LDB2: variants seen among roughly 807,000 people sequenced by gnomAD.
LDB2 encodes LIM domain binding 2.
LDB2 carries 12 observed loss-of-function variants against 44.3 expected under a neutral mutation model. The observed-to-expected ratio is 0.27, with a 90% CI of 0.17 to 0.44. The LOEUF is 0.44. Ranked by LOEUF, LDB2 falls within the 20% of genes least tolerant of loss-of-function variation. The pLI, the probability that LDB2 is intolerant of heterozygous loss-of-function variation, is 1.00. For missense variants in LDB2, 344 were observed against 473.5 expected, an observed-to-expected ratio of 0.73 and a Z score of 2.54; for synonymous variants, 164 against 174.8, an observed-to-expected ratio of 0.94 and a Z score of 0.49.
At chr4:16,699,992 G>C (rs1472604603) in intron 2 of LDB2, among the ~76,000 whole-genome samples, 1 of 152,160 alleles carries the variant, frequency 6.6e-6, no homozygotes, top group Non-Finnish European at 1.5e-5. Context: ...TATCTGAAAT[G>C]TTTGGGGCCA....
chr4:16,522,935 A>C (rs1726795156), intron 5 of LDB2, among the ~76,000 whole-genome samples: 1 of 152,208 alleles, frequency 6.6e-6, no homozygotes, highest in Non-Finnish European at 1.5e-5. Context: ...GGTACAAGCA[A>C]ATTTATGGTA....
intron 2 of LDB2, among the ~76,000 whole-genome samples, chr4:16,685,698 G>T (rs954854766): frequency 1.3e-5 from 2 of 152,132 alleles, no homozygotes; most frequent in Non-Finnish European, 2.9e-5. Flanking sequence ...AACATCACAA[G>T]CAAAGCTGCC....
chr4:16,755,985 GACACACCCCC>G (rs1475174933), intron 2 of LDB2, among the ~76,000 whole-genome samples: 7 of 152,206 alleles, frequency 4.6e-5, no homozygotes, highest in Admixed American at 3.9e-4. Flanking sequence ...CACCTGGGCG[GACACACCCCC>G]ATCAGGGGAG....
At chr4:16,835,157 T>C (rs1784694991) in intron 1 of LDB2, among the ~76,000 whole-genome samples, 1 of 152,226 alleles carries the variant, frequency 6.6e-6, no homozygotes, top group African/African-American at 2.4e-5. Context: ...AATATTTATG[T>C]GGCATAAAAT....
At chr4:16,545,372 A>G (rs6819114) in intron 5 of LDB2, among the ~76,000 whole-genome samples, 12,395 of 152,226 alleles carry the variant, frequency 0.081, 541 homozygotes, top group South Asian at 0.15. Flanking sequence ...AGAGATAATC[A>G]TAATCTAACC....
chr4:16,775,378 A>G (rs1771667602), intron 1 of LDB2, among the ~76,000 whole-genome samples: 1 of 152,222 alleles, frequency 6.6e-6, no homozygotes, highest in Non-Finnish European at 1.5e-5. Context: ...GGGTCTAGAC[A>G]TCAATGACAT....
chr4:16,792,030 T>A (rs1775867654), intron 1 of LDB2, among the ~76,000 whole-genome samples: 1 of 152,212 alleles, frequency 6.6e-6, no homozygotes. Flanking sequence ...GGAGAGGAGT[T>A]GAACAGTCTC....
chr4:16,506,247 T>C, intron 7 of LDB2: 1 of 367,440 alleles, frequency 2.7e-6, no homozygotes, highest in Non-Finnish European at 4.9e-6. Flanking sequence ...AGGACACATA[T>C]GAATTTGTAC....
At chr4:16,806,502 A>G (rs1255395975) in intron 1 of LDB2, among the ~76,000 whole-genome samples, 2 of 152,226 alleles carry the variant, frequency 1.3e-5, no homozygotes, top group Non-Finnish European at 2.9e-5. Flanking sequence ...GACACTGGCA[A>G]TCAATGAAGC....
At position 16,731,779 on chromosome 4, in the gene LDB2, T is replaced by C. The variant is rs1760817852; in HGVS notation, c.235+27379A>G. ...TCCTCAGCCTGCTTTAGTCTCCACA[T>C]CCCTTGGTCTGGCCAAGGCTGTCTT... On this transcript the variant is annotated intron_variant, in intron 2 of 7. Transcript: ENST00000304523. 2.6e-5 allele frequency among the ~76,000 whole-genome samples: 4 copies of C among 152,160 alleles called. No homozygotes were observed. In the South Asian group the frequency reaches 8.3e-4, roughly 32 times the overall value.
chr4:16,541,258 G>A (rs922787959), intron 5 of LDB2, among the ~76,000 whole-genome samples: 3 of 152,122 alleles, frequency 2.0e-5, no homozygotes, highest in Non-Finnish European at 4.4e-5. Flanking sequence ...ACTTGGTGCT[G>A]TCCATAGTGA....
chr4:16,821,476 C>T (rs1474564193), intron 1 of LDB2, among the ~76,000 whole-genome samples: 1 of 150,706 alleles, frequency 6.6e-6, no homozygotes, highest in Non-Finnish European at 1.5e-5. Context: ...CTCCACCTCC[C>T]GGGTTCACGC....
chr4:16,809,942 T>G (rs988063254), intron 1 of LDB2, among the ~76,000 whole-genome samples: 7 of 152,208 alleles, frequency 4.6e-5, no homozygotes, highest in African/African-American at 1.7e-4. Context: ...CACATATTGA[T>G]TCTTTTCATG....
chr4:16,572,071 G>C (rs1289445632), intron 5 of LDB2, among the ~76,000 whole-genome samples: 1 of 152,162 alleles, frequency 6.6e-6, no homozygotes, highest in Non-Finnish European at 1.5e-5. Context: ...TCAGAGACCA[G>C]CCACAGAGAA....
At chr4:16,561,906 A>G (rs1000517214) in intron 5 of LDB2, among the ~76,000 whole-genome samples, 23 of 152,312 alleles carry the variant, frequency 1.5e-4, no homozygotes, top group Admixed American at 3.3e-4. Flanking sequence ...GCCCTCAGAA[A>G]TAACGCCACA....
At chr4:16,722,900 A>G (rs987640608) in intron 2 of LDB2, among the ~76,000 whole-genome samples, 31 of 152,284 alleles carry the variant, frequency 2.0e-4, no homozygotes, top group African/African-American at 7.5e-4. Context: ...TGACTTTACA[A>G]TGGTGTGAAA....
At chr4:16,706,156 C>T (rs1266285422) in intron 2 of LDB2, among the ~76,000 whole-genome samples, 1 of 152,108 alleles carries the variant, frequency 6.6e-6, no homozygotes, top group Non-Finnish European at 1.5e-5. Context: ...TCGTGCTAAG[C>T]CCCATGTTAA....
At chr4:16,694,817 G>A (rs1053844124) in intron 2 of LDB2, among the ~76,000 whole-genome samples, 2 of 152,204 alleles carry the variant, frequency 1.3e-5, no homozygotes, top group African/African-American at 4.8e-5. Context: ...GATTTAAAGT[G>A]CAGACGCAGG....
At chr4:16,723,570 T>C (rs1235406574) in intron 2 of LDB2, among the ~76,000 whole-genome samples, 1 of 152,116 alleles carries the variant, frequency 6.6e-6, no homozygotes, top group Non-Finnish European at 1.5e-5. Context: ...ACCATATCAC[T>C]TCCTTGCCCT....
Sources: allele counts gnomAD v4.1 joint callset (sites outside exome capture counted in the v4.1 genomes callset), GRCh38; gene constraint gnomAD v4.1.1; transcripts MANE v1.5; gene names NCBI Gene and HGNC (gene_info 2026-07-23, HGNC 2026-07-21).